BANP: variants seen among roughly 807,000 people sequenced by gnomAD.
The protein encoded by BANP is BTG3 associated nuclear protein.
Under a neutral mutation model 68.1 loss-of-function variants are expected in BANP, and 11 were observed. That is an observed-to-expected ratio of 0.16 (90% CI 0.10 to 0.27). The LOEUF is 0.27. Ranked by LOEUF, BANP falls within the 10% of genes least tolerant of loss-of-function variation. BANP has a pLI of 1.00. For missense variants in BANP, 504 were observed against 722.7 expected (o/e 0.70, Z 3.47); for synonymous variants, 329 against 303.2 (o/e 1.09, Z -0.88).
chr16:88,047,313 C>T (rs187142778), intron 11 of BANP, among the ~76,000 whole-genome samples: 4 of 152,304 alleles, frequency 2.6e-5, no homozygotes, highest in South Asian at 2.1e-4. Flanking sequence ...GCCCCAGTTC[C>T]TTGGCGAAAA....
intron 6 of BANP, among the ~76,000 whole-genome samples, chr16:88,011,846 C>G (rs1455006292): frequency 1.3e-5 from 2 of 152,150 alleles, no homozygotes; most frequent in Non-Finnish European, 2.9e-5. Flanking sequence ...TTCTGCTCCC[C>G]TTTTCCCATC....
At chr16:87,961,407 G>T (rs1597758982) in intron 1 of BANP, among the ~76,000 whole-genome samples, 4 of 117,566 alleles carry the variant, frequency 3.4e-5, no homozygotes, top group Non-Finnish European at 8.0e-5. Context: ...CACAGAATCT[G>T]CACCCCCCCG....
chr16:87,989,849 G>T (rs1316914992), intron 4 of BANP, among the ~76,000 whole-genome samples: 1 of 115,420 alleles, frequency 8.7e-6, no homozygotes, highest in African/African-American at 3.5e-5. Flanking sequence ...GCAGGCCCGC[G>T]TGGCTGCGTG....
intron 1 of BANP, among the ~76,000 whole-genome samples, chr16:87,965,127 T>G (rs2059803322): frequency 6.6e-6 from 1 of 151,896 alleles, no homozygotes; most frequent in Non-Finnish European, 1.5e-5. Flanking sequence ...CATCCTCAAG[T>G]CAGGAAGTGG....
At chr16:88,009,095 C>A (rs2072199773) in intron 6 of BANP, among the ~76,000 whole-genome samples, 1 of 152,174 alleles carries the variant, frequency 6.6e-6, no homozygotes, top group South Asian at 2.1e-4. Context: ...CCATTAATGT[C>A]TCTTATGTCA....
intron 4 of BANP, among the ~76,000 whole-genome samples, chr16:87,998,146 C>G (rs1368039063): frequency 1.3e-5 from 2 of 152,230 alleles, no homozygotes; most frequent in Non-Finnish European, 2.9e-5. Flanking sequence ...AAACAGTCTT[C>G]ACCCATGTCC....
intron 6 of BANP, among the ~76,000 whole-genome samples, chr16:88,015,463 A>G (rs2074323272): frequency 6.6e-6 from 1 of 152,140 alleles, no homozygotes; most frequent in Admixed American, 6.5e-5. Context: ...CGTCTGCCCT[A>G]TGTTCCCTGC....
At chr16:87,977,524 G>A (rs2062406774) in intron 2 of BANP, among the ~76,000 whole-genome samples, 1 of 152,214 alleles carries the variant, frequency 6.6e-6, no homozygotes, top group African/African-American at 2.4e-5. Context: ...CAGGTACCTT[G>A]ATGTGTCAAG....
intron 1 of BANP, among the ~76,000 whole-genome samples, chr16:87,954,903 C>T (rs1480924222): frequency 6.6e-6 from 1 of 152,270 alleles, no homozygotes; most frequent in Non-Finnish European, 1.5e-5. Flanking sequence ...TTCCTGCTTC[C>T]TTGTGGCCTT....
At chr16:88,075,197 T>C (rs2091320619) in intron 13 of BANP, among the ~76,000 whole-genome samples, 1 of 152,038 alleles carries the variant, frequency 6.6e-6, no homozygotes. Flanking sequence ...AATACAAAAA[T>C]TAGCCAGGCA....
chr16:88,069,015 G>A (rs1396947298), intron 12 of BANP, among the ~76,000 whole-genome samples: 2 of 151,506 alleles, frequency 1.3e-5, no homozygotes, highest in Admixed American at 6.6e-5. Context: ...CCAGCCCCCT[G>A]TCCCTGCACC....
At chr16:88,074,044 G>A (rs1014263507) in intron 13 of BANP, among the ~76,000 whole-genome samples, 9 of 152,230 alleles carry the variant, frequency 5.9e-5, no homozygotes, top group African/African-American at 1.9e-4. Context: ...TGCAGGGTGC[G>A]TTAGCTTGTC....
In BANP at chr16:87,994,407, A is replaced by G. The variant is rs372029412; in HGVS notation, c.363-9888A>G. 7.0e-4 allele frequency among the ~76,000 whole-genome samples: 106 copies of G among 152,364 alleles called. No homozygotes were observed. The Middle Eastern group carries it at 0.01, about 15-fold the overall frequency. On this transcript the variant is annotated intron_variant, in intron 4 of 13. Coordinates refer to ENST00000682872, the MANE Select transcript of BANP (RefSeq NM_001386991.1). ...CTTGGGGAGAGCAGCGTGAGGAGTT[A>G]GATCAGGAGCCTCTCAAAGCCAATT...
intron 12 of BANP, among the ~76,000 whole-genome samples, chr16:88,068,007 C>T (rs995280541): frequency 6.6e-6 from 1 of 152,216 alleles, no homozygotes; most frequent in Non-Finnish European, 1.5e-5. Flanking sequence ...GTCGTCAGTC[C>T]GTGACACGCC....
At chr16:88,032,051 C>T (rs573077580) in intron 8 of BANP, among the ~76,000 whole-genome samples, 212 of 152,052 alleles carry the variant, frequency 1.4e-3, no homozygotes, top group South Asian at 2.1e-3. Flanking sequence ...TGATCTTGCC[C>T]GCCTTGGCCT....
At chr16:87,961,793 C>G (rs2144995180) in intron 1 of BANP, among the ~76,000 whole-genome samples, 1 of 152,268 alleles carries the variant, frequency 6.6e-6, no homozygotes, top group Non-Finnish European at 1.5e-5. Flanking sequence ...CATTTATAGA[C>G]TAATGGGCTC....
At chr16:88,075,960 A>G (rs908480720) in intron 13 of BANP, among the ~76,000 whole-genome samples, 4 of 152,054 alleles carry the variant, frequency 2.6e-5, no homozygotes, top group Admixed American at 6.5e-5. Flanking sequence ...TGGCCAGCCT[A>G]GGCTTGAACT....
intron 4 of BANP, among the ~76,000 whole-genome samples, chr16:87,998,767 C>T (rs1267960971): frequency 1.4e-5 from 2 of 141,134 alleles, no homozygotes; most frequent in Admixed American, 7.2e-5. Flanking sequence ...CACCCAGACA[C>T]GTCTCCATGC....
At chr16:88,010,799 A>C (rs1484245760) in intron 6 of BANP, among the ~76,000 whole-genome samples, 2 of 152,008 alleles carry the variant, frequency 1.3e-5, no homozygotes, top group African/African-American at 4.8e-5. Context: ...CACACCTCGC[A>C]GTCCATGGAA....
Sources: gnomAD v4.1 joint callset for allele counts (sites outside exome capture counted in the v4.1 genomes callset) on GRCh38, gnomAD v4.1.1 for gene constraint, MANE v1.5 for transcripts, NCBI Gene and HGNC (gene_info 2026-07-23, HGNC 2026-07-21) for gene names.